Variants in CHM observed in about 807,000 individuals in gnomAD.
The protein encoded by CHM is CHM Rab escort protein.
Under a neutral mutation model 49.0 loss-of-function variants are expected in CHM, and 10 were observed. The ratio of observed to expected loss-of-function variants is 0.20; its 90% CI spans 0.13 to 0.35. CHM has a LOEUF of 0.35. Ranked by LOEUF, CHM falls within the 10% of genes least tolerant of loss-of-function variation. The probability of loss-of-function intolerance (pLI) is 1.00; values close to 1 mark genes in which losing one functional copy is unlikely to be tolerated. For synonymous variants in CHM, 184 were observed against 167.5 expected (o/e 1.10, Z -0.76); for missense variants, 455 against 478.4 (o/e 0.95, Z 0.46).
At chrX:85,998,154 A>T (rs1260777458) in intron 2 of CHM, among the ~76,000 whole-genome samples, 1 of 111,659 alleles carries the variant, frequency 9.0e-6, no homozygotes, top group Non-Finnish European at 1.9e-5. Flanking sequence ...AAAAAAATTA[A>T]TTTTTTATTG....
At chrX:86,016,956 A>G (rs1233219484) in intron 2 of CHM, among the ~76,000 whole-genome samples, 2 of 112,315 alleles carry the variant, frequency 1.8e-5, no homozygotes, top group Non-Finnish European at 3.8e-5. Context: ...TGGAAACCCA[A>G]CTCTTGCATC....
chrX:85,911,213 A>G (rs1416468139), intron 9 of CHM, 48 bp downstream of exon 9: 1 of 108,355 alleles, frequency 9.2e-6, no homozygotes. Context: ...ATATATATAT[A>G]TGAATATATA....
intron 11 of CHM, among the ~76,000 whole-genome samples, chrX:85,897,215 C>T (rs1465580644): frequency 2.1e-5 from 2 of 94,468 alleles, no homozygotes; most frequent in African/African-American, 7.9e-5. Flanking sequence ...TATATACCAG[C>T]ATATATGAAA....
At chrX:85,900,022 T>A (rs1018976089) in intron 11 of CHM, among the ~76,000 whole-genome samples, 5 of 110,799 alleles carry the variant, frequency 4.5e-5, no homozygotes, top group Non-Finnish European at 9.5e-5. Context: ...CACAAAAAAA[T>A]TAAAAATAGA....
At chrX:86,036,824 A>G (rs925991431) in intron 1 of CHM, among the ~76,000 whole-genome samples, 4 of 111,672 alleles carry the variant, frequency 3.6e-5, no homozygotes, top group African/African-American at 1.3e-4. Context: ...TGGGCAAGAT[A>G]AAAAATCAGA....
chrX:85,996,291 G>C (rs1253725296), intron 2 of CHM, among the ~76,000 whole-genome samples: 2 of 111,928 alleles, frequency 1.8e-5, no homozygotes, highest in Non-Finnish European at 3.8e-5. Context: ...TACTGAAGCA[G>C]AGCATCACAA....
At chrX:85,925,995 C>A (rs958351576) in intron 8 of CHM, among the ~76,000 whole-genome samples, 2 of 110,936 alleles carry the variant, frequency 1.8e-5, no homozygotes, top group Non-Finnish European at 3.8e-5. Flanking sequence ...TGAAATAGTC[C>A]GTTAGCAAAT....
rs1480617571 is a variant in CHM, at chrX:85,863,566, C to A, written c.*1064G>T. 1 of 112,109 alleles carries A rather than the reference C, an allele frequency of 8.9e-6. No individual in the cohort carries two copies. The highest frequency in any genetic ancestry group is 9.5e-5 in the Admixed American group (1 of 10,533). 9.2% of individuals were successfully genotyped at this position (112,109 alleles called of 1,213,427 possible). On this transcript the variant is annotated 3_prime_UTR_variant, in exon 15 of 15. Transcript: ENST00000357749. ...TGGTCTGTAAGACTATAAAATACTACTTTAAAAAAGAAATTTTCATTTAAA... is the reference window on the plus strand; with the variant it reads ...TGGTCTGTAAGACTATAAAATACTAATTTAAAAAAGAAATTTTCATTTAAA...
At chrX:86,038,503 G>A (rs1934333229) in intron 1 of CHM, among the ~76,000 whole-genome samples, 1 of 111,815 alleles carries the variant, frequency 8.9e-6, no homozygotes, top group Admixed American at 9.4e-5. Context: ...TACCGCCTGG[G>A]GCACGTCATC....
In CHM at chrX:85,915,550, C is replaced by T. The variant is rs142048489; in HGVS notation, c.1167-4212G>A. 6.3e-5 allele frequency among the ~76,000 whole-genome samples: 7 copies of T among 111,930 alleles called. No homozygotes were observed. In the East Asian group the frequency reaches 2.0e-3, roughly 32 times the overall value. ...TGACATGATCCTATATCTAGAAACC[C>T]CATAGTCTCAGCCAAAAGTTTCTTA... On this transcript the variant is annotated intron_variant, in intron 8 of 14. Transcript: ENST00000357749.
intron 8 of CHM, among the ~76,000 whole-genome samples, chrX:85,921,451 T>C (rs769236664): frequency 4.7e-4 from 53 of 111,955 alleles, no homozygotes; most frequent in Non-Finnish European, 4.7e-4. Context: ...CAAGCAAGTA[T>C]AAATTTTGCA....
At chrX:85,904,619 A>G (rs1324455760) in intron 9 of CHM, among the ~76,000 whole-genome samples, 1 of 112,203 alleles carries the variant, frequency 8.9e-6, no homozygotes, top group African/African-American at 3.2e-5. Context: ...AAGATTCTCA[A>G]TCACTGAAGA....
chrX:85,870,228 A>T (rs1923963719), intron 14 of CHM, among the ~76,000 whole-genome samples: 2 of 112,166 alleles, frequency 1.8e-5, no homozygotes. Context: ...GATAATATAT[A>T]TGAGATGCTA....
intron 2 of CHM, among the ~76,000 whole-genome samples, chrX:86,026,101 T>C (rs1933803020): frequency 1.3e-5 from 1 of 78,036 alleles, no homozygotes; most frequent in Non-Finnish European, 2.3e-5. Context: ...TAGCAGATTT[T>C]CTTTTTTTTT....
chrX:86,000,199 T>C (rs1932631380), intron 2 of CHM, among the ~76,000 whole-genome samples: 1 of 107,677 alleles, frequency 9.3e-6, no homozygotes, highest in African/African-American at 3.4e-5. Flanking sequence ...AGCAGTTTTA[T>C]CAGGATGAAA....
chrX:86,038,635 T>C (rs982981359), intron 1 of CHM, among the ~76,000 whole-genome samples: 1 of 112,132 alleles, frequency 8.9e-6, no homozygotes, highest in African/African-American at 3.2e-5. Context: ...CTGAAGCAAA[T>C]CATTTCTTAA....
rs771079106 is a variant in CHM, at chrX:85,982,641, G to A, written c.117-832C>T. Reference sequence around the variant, plus strand: ...TTGGGGCTCCGGATCCTTGTAAAACGATTTGCACTTACTGACTCTGTATGA... The same window carrying A: ...TTGGGGCTCCGGATCCTTGTAAAACAATTTGCACTTACTGACTCTGTATGA... On this transcript the variant is annotated intron_variant, in intron 2 of 14. Coordinates refer to ENST00000357749, the MANE Select transcript of CHM (RefSeq NM_000390.4). 1.4e-4 allele frequency among the ~76,000 whole-genome samples: 15 copies of A among 110,986 alleles called. No homozygotes were observed. The South Asian group carries it at 4.3e-3, about 32-fold the overall frequency.
intron 11 of CHM, among the ~76,000 whole-genome samples, chrX:85,897,984 T>C (rs1193999631): frequency 4.5e-5 from 5 of 110,797 alleles, no homozygotes; most frequent in African/African-American, 6.6e-5. Context: ...AGGCAGATGA[T>C]AAACTGAAAA....
Position 85,991,379 on chromosome X carries a change from T to C in CHM, c.117-9570A>G, listed in dbSNP as rs779693923. On this transcript the variant is annotated intron_variant, in intron 2 of 14. Transcript: ENST00000357749. ...TTCTCCTGAACTCTAATCCTGTCCA[T>C]TACAACCTACAAATTCCCAAACTTT... is the stretch of plus-strand genomic sequence containing the variant. Among the ~76,000 whole-genome samples the C allele has an allele frequency of 4.5e-5, 5 of 111,579 alleles. No homozygotes were observed. In the South Asian group the frequency reaches 1.9e-3, roughly 42 times the overall value.
Sources: gnomAD v4.1 joint callset for allele counts (sites outside exome capture counted in the v4.1 genomes callset) on GRCh38, gnomAD v4.1.1 for gene constraint, MANE v1.5 for transcripts, NCBI Gene and HGNC (gene_info 2026-07-23, HGNC 2026-07-21) for gene names.